Variants in DPP10 observed in about 807,000 individuals in gnomAD.
The protein encoded by DPP10 is dipeptidyl peptidase like 10, also known as inactive dipeptidyl peptidase 10.
A neutral mutation model predicts 120.9 loss-of-function variants in DPP10; 33 were observed. The ratio of observed to expected loss-of-function variants is 0.27; its 90% CI spans 0.21 to 0.37. The LOEUF (loss-of-function observed/expected upper bound fraction) is 0.37. DPP10 is among the 10% of genes least tolerant of loss of function. The probability of loss-of-function intolerance (pLI) is 1.00; values close to 1 mark genes in which losing one functional copy is unlikely to be tolerated. For synonymous variants in DPP10, 337 were observed against 326.1 expected, an observed-to-expected ratio of 1.03 and a Z score of -0.36; for missense variants, 816 against 942.8, an observed-to-expected ratio of 0.87 and a Z score of 1.76.
intron 1 of DPP10, among the ~76,000 whole-genome samples, chr2:114,967,144 T>TTAA (rs904227225): frequency 6.6e-6 from 1 of 151,974 alleles, no homozygotes; most frequent in Admixed American, 6.6e-5. Flanking sequence ...AGAAGCAAAA[T>TTAA]TAATAATAAT....
chr2:115,521,703 G>A lies in DPP10; in HGVS notation c.367-4195G>A, dbSNP rs2077822671. On this transcript the variant is annotated intron_variant, in intron 4 of 25. Transcript: ENST00000410059. ...CTTAACTTTGTAACATTGCTTTCTT[G>A]GATTGTCATGAGCCTCTTACCATCT... Among the ~76,000 whole-genome samples, 3 of 147,636 alleles carry A rather than the reference G, an allele frequency of 2.0e-5. No individual in the cohort carries two copies. In the Admixed American group the frequency reaches 2.1e-4, roughly 10 times the overall value.
At chr2:114,667,362 T>C (rs1698004105) in intron 1 of DPP10, among the ~76,000 whole-genome samples, 2 of 152,214 alleles carry the variant, frequency 1.3e-5, no homozygotes, top group South Asian at 2.1e-4. Flanking sequence ...TATTACTTTG[T>C]TGGTATCTTT....
intron 1 of DPP10, among the ~76,000 whole-genome samples, chr2:114,956,224 A>G (rs36116793): frequency 0.26 from 38,945 of 152,080 alleles, 5,047 homozygotes; most frequent in East Asian, 0.35. Context: ...AACCGTCAGA[A>G]CTAGTAAATT....
chr2:115,319,311 A>G (rs941600345), intron 2 of DPP10, among the ~76,000 whole-genome samples: 17 of 151,972 alleles, frequency 1.1e-4, no homozygotes, highest in African/African-American at 3.9e-4. Flanking sequence ...TACCTGAAGG[A>G]TTTTTACATC....
At chr2:115,492,030 C>T (rs7606086) in intron 3 of DPP10, among the ~76,000 whole-genome samples, 15,127 of 152,104 alleles carry the variant, frequency 0.099, 1,402 homozygotes, top group East Asian at 0.24. Flanking sequence ...ATATCTTCAT[C>T]AGGAGTGCTA....
intron 5 of DPP10, among the ~76,000 whole-genome samples, chr2:115,533,537 G>C (rs752573661): frequency 6.6e-6 from 1 of 152,070 alleles, no homozygotes; most frequent in African/African-American, 2.4e-5. Flanking sequence ...ACTGCTTTAA[G>C]AAGTAACTCT....
At chr2:114,887,866 G>T (rs78432779) in intron 1 of DPP10, among the ~76,000 whole-genome samples, 1 of 152,170 alleles carries the variant, frequency 6.6e-6, no homozygotes, top group African/African-American at 2.4e-5. Flanking sequence ...TGGGTTAGGC[G>T]AGGTGGCTCA....
At chr2:114,488,240 G>C (rs558688234) in intron 1 of DPP10, among the ~76,000 whole-genome samples, 18 of 152,180 alleles carry the variant, frequency 1.2e-4, no homozygotes, top group Non-Finnish European at 1.6e-4. Context: ...GAAGCAACGG[G>C]ACAGGGGTGT....
At chr2:115,125,002 C>A (rs369862298) in intron 1 of DPP10, among the ~76,000 whole-genome samples, 15 of 152,184 alleles carry the variant, frequency 9.9e-5, no homozygotes, top group African/African-American at 3.6e-4. Context: ...AGACTCCATG[C>A]AGCTATAAAA....
chr2:115,273,285 G>A (rs1318237793), intron 1 of DPP10, among the ~76,000 whole-genome samples: 1 of 151,880 alleles, frequency 6.6e-6, no homozygotes, highest in Non-Finnish European at 1.5e-5. Context: ...CTCCTTCATG[G>A]CCAGTTTATC....
chr2:115,611,618 G>A (rs115740115), intron 5 of DPP10, among the ~76,000 whole-genome samples: 271 of 152,220 alleles, frequency 1.8e-3, no homozygotes, highest in African/African-American at 6.2e-3. Flanking sequence ...TTCATCTACT[G>A]TAGCTTACAG....
intron 5 of DPP10, among the ~76,000 whole-genome samples, chr2:115,669,199 G>T (rs948427340): frequency 6.6e-6 from 1 of 152,034 alleles, no homozygotes; most frequent in African/African-American, 2.4e-5. Flanking sequence ...GTGTACATTT[G>T]GTTTTGGCTA....
intron 5 of DPP10, among the ~76,000 whole-genome samples, chr2:115,617,163 C>A (rs1007486639): frequency 6.7e-6 from 1 of 149,408 alleles, no homozygotes; most frequent in Non-Finnish European, 1.5e-5. Flanking sequence ...GAGGCTTATA[C>A]AGTAGTTACC....
At chr2:114,659,142 G>A (rs1229010304) in intron 1 of DPP10, among the ~76,000 whole-genome samples, 1 of 152,114 alleles carries the variant, frequency 6.6e-6, no homozygotes, top group Non-Finnish European at 1.5e-5. Context: ...GTGTAACTGT[G>A]AACCAATTAA....
chr2:115,620,896 G>A (rs1054383472), intron 5 of DPP10, among the ~76,000 whole-genome samples: 3 of 152,160 alleles, frequency 2.0e-5, no homozygotes, highest in Admixed American at 6.5e-5. Flanking sequence ...ATTGAAATAC[G>A]TGGTCAACGT....
intron 5 of DPP10, among the ~76,000 whole-genome samples, chr2:115,618,297 A>T (rs927595385): frequency 5.3e-5 from 8 of 152,226 alleles, no homozygotes; most frequent in African/African-American, 1.9e-4. Flanking sequence ...TAAAATATAC[A>T]TTGAGTGCAA....
chr2:115,358,864 G>A (rs890875643), intron 3 of DPP10, among the ~76,000 whole-genome samples: 5 of 152,040 alleles, frequency 3.3e-5, no homozygotes, highest in Non-Finnish European at 7.4e-5. Context: ...AAGAAGAAAA[G>A]CCCCTTATAG....
intron 1 of DPP10, among the ~76,000 whole-genome samples, chr2:115,041,292 C>T (rs1042477743): frequency 3.3e-5 from 5 of 152,038 alleles, no homozygotes; most frequent in Non-Finnish European, 7.4e-5. Context: ...AATTAAGTTA[C>T]ACGATGATGC....
intron 10 of DPP10, among the ~76,000 whole-genome samples, chr2:115,747,403 A>G (rs188213114): frequency 2.5e-4 from 38 of 152,262 alleles, no homozygotes; most frequent in African/African-American, 7.7e-4. Flanking sequence ...TACGTTACAA[A>G]TGAAACAATG....
Sources: gnomAD v4.1 joint callset for allele counts (sites outside exome capture counted in the v4.1 genomes callset) on GRCh38, gnomAD v4.1.1 for gene constraint, MANE v1.5 for transcripts, NCBI Gene and HGNC (gene_info 2026-07-23, HGNC 2026-07-21) for gene names.